The following NAV2 variants were observed in gnomAD, a reference collection of about 807,000 sequenced individuals.
The protein encoded by NAV2 is neuron navigator 2, also known as helicase, APC down-regulated 1.
NAV2 carries 54 observed loss-of-function variants against 223.2 expected under a neutral mutation model. The ratio of observed to expected loss-of-function variants is 0.24; its 90% confidence interval spans 0.19 to 0.30. NAV2 has a LOEUF of 0.30. Among genes scored for constraint, NAV2 ranks in the 10% least tolerant of loss-of-function variants. The probability of loss-of-function intolerance (pLI) is 1.00; values close to 1 mark genes in which losing one functional copy is unlikely to be tolerated. For synonymous variants in NAV2, 1,279 were observed against 1,239.3 expected (o/e 1.03, Z -0.67); for missense variants, 2,806 against 3,147.5 (o/e 0.89, Z 2.60).
intron 1 of NAV2, among the ~76,000 whole-genome samples, chr11:19,642,834 T>C (rs1166406746): frequency 6.6e-6 from 1 of 152,078 alleles, no homozygotes; most frequent in Non-Finnish European, 1.5e-5. Context: ...TGGGAAATGA[T>C]TACCATGCTA....
At chr11:20,030,486 A>G (rs1247679710) in intron 11 of NAV2, among the ~76,000 whole-genome samples, 3 of 152,234 alleles carry the variant, frequency 2.0e-5, no homozygotes, top group Admixed American at 6.5e-5. Flanking sequence ...ATAAATTAAG[A>G]TCATTTTCAC....
At chr11:19,889,267 A>C (rs2153126209) in intron 5 of NAV2, among the ~76,000 whole-genome samples, 1 of 152,268 alleles carries the variant, frequency 6.6e-6, no homozygotes, top group South Asian at 2.1e-4. Flanking sequence ...TTGTTTGTGA[A>C]CCAAATTTTG....
intron 1 of NAV2, among the ~76,000 whole-genome samples, chr11:19,509,904 CACCTTCAAGG>C (rs2043227085): frequency 6.6e-6 from 1 of 152,148 alleles, no homozygotes; most frequent in South Asian, 2.1e-4. Flanking sequence ...GGCAGGGACC[CACCTTCAAGG>C]ATGGGTCTGA....
upstream of NAV2, among the ~76,000 whole-genome samples, chr11:19,349,757 G>T (rs184080270): frequency 6.6e-6 from 1 of 152,102 alleles, no homozygotes; most frequent in Non-Finnish European, 1.5e-5. Context: ...TTATGGGAGG[G>T]TGTACCAAGT....
intron 16 of NAV2, 88 bp from the exon 17 acceptor site, chr11:20,051,201 G>A: frequency 9.4e-7 from 1 of 1,063,342 alleles, no homozygotes; most frequent in Non-Finnish European, 1.5e-6. Context: ...CTTTCTCCAG[G>A]GCCCTTCAGT....
At chr11:20,014,988 G>A (rs2053884595) in intron 11 of NAV2, among the ~76,000 whole-genome samples, 1 of 151,894 alleles carries the variant, frequency 6.6e-6, no homozygotes, top group Non-Finnish European at 1.5e-5. Flanking sequence ...CCCAGCTACT[G>A]GGGAGGCTGA....
chr11:19,701,912 T>C (rs556813809), intron 1 of NAV2, among the ~76,000 whole-genome samples: 4 of 152,276 alleles, frequency 2.6e-5, no homozygotes, highest in Admixed American at 6.5e-5. Context: ...GCCCAAAAGA[T>C]CCTCATGGGT....
intron 6 of NAV2, among the ~76,000 whole-genome samples, chr11:19,926,134 G>T (rs375294482): frequency 6.6e-6 from 1 of 152,136 alleles, no homozygotes; most frequent in Non-Finnish European, 1.5e-5. Context: ...CTGGAATTTT[G>T]ATAAGGATTG....
chr11:19,387,617 A>C (rs1366430116), intron 1 of NAV2, among the ~76,000 whole-genome samples: 1 of 152,178 alleles, frequency 6.6e-6, no homozygotes, highest in African/African-American at 2.4e-5. Context: ...TGAGGTTGCC[A>C]GGTCGCAGGC....
At chr11:20,098,374 G>T (rs1197946942) in intron 31 of NAV2, among the ~76,000 whole-genome samples, 1 of 152,190 alleles carries the variant, frequency 6.6e-6, no homozygotes, top group Non-Finnish European at 1.5e-5. Flanking sequence ...CTGTCATTCA[G>T]TGTCCTAACT....
rs550991108 is a variant in NAV2 at position 19,961,057 on chromosome 11, G to A, written c.2645+11977G>A. On this transcript the variant is annotated intron_variant, in intron 10 of 37. Coordinates refer to ENST00000349880, the MANE Select transcript of NAV2 (RefSeq NM_145117.5). ...CCCCTGTTTTTCCTGCTAAGCCTTTGCATAGTTCTCATCTAGAAAACCAAA... is the reference window on the plus strand; with the variant it reads ...CCCCTGTTTTTCCTGCTAAGCCTTTACATAGTTCTCATCTAGAAAACCAAA... Among the ~76,000 whole-genome samples, 395 of 152,058 alleles carry A rather than the reference G, an allele frequency of 2.6e-3. 1 individual carries two copies. The highest frequency in any genetic ancestry group is 4.4e-3 in the Non-Finnish European group (299 of 67,972).
At chr11:19,912,776 AAC>A (rs2043426557) in intron 6 of NAV2, among the ~76,000 whole-genome samples, 1 of 152,210 alleles carries the variant, frequency 6.6e-6, no homozygotes, top group African/African-American at 2.4e-5. Context: ...CATCTTGCTC[AAC>A]CAGTGTGTTT....
At chr11:19,718,878 T>C (rs2050529759) in intron 1 of NAV2, among the ~76,000 whole-genome samples, 1 of 152,172 alleles carries the variant, frequency 6.6e-6, no homozygotes, top group Non-Finnish European at 1.5e-5. Context: ...TATATACACA[T>C]GGAACAGCTT....
intron 1 of NAV2, among the ~76,000 whole-genome samples, chr11:19,448,027 A>G (rs950525822): frequency 2.1e-4 from 32 of 152,144 alleles, no homozygotes; most frequent in Admixed American, 8.5e-4. Context: ...TGGTTAAAGG[A>G]AGAAGGGTGC....
intron 1 of NAV2, among the ~76,000 whole-genome samples, chr11:19,513,433 A>G (rs1047766786): frequency 6.6e-6 from 1 of 151,760 alleles, no homozygotes; most frequent in African/African-American, 2.4e-5. Context: ...TGGCTGCCAC[A>G]CTCCTTTCAT....
At chr11:19,361,771 A>T (rs1214995818) in intron 1 of NAV2, among the ~76,000 whole-genome samples, 1 of 152,190 alleles carries the variant, frequency 6.6e-6, no homozygotes, top group Admixed American at 6.5e-5. Flanking sequence ...AACATCACGA[A>T]GCCCTTTGCC....
At chr11:19,942,517 A>G (rs947051515) in intron 8 of NAV2, among the ~76,000 whole-genome samples, 1 of 152,252 alleles carries the variant, frequency 6.6e-6, no homozygotes, top group African/African-American at 2.4e-5. Context: ...CAAGTGGCTA[A>G]TAAGCAGCAT....
At chr11:19,737,091 T>C (rs2052389287) in intron 1 of NAV2, among the ~76,000 whole-genome samples, 1 of 152,206 alleles carries the variant, frequency 6.6e-6, no homozygotes, top group South Asian at 2.1e-4. Flanking sequence ...GGGTAATTCC[T>C]GAAGATCCTT....
At chr11:19,390,141 G>C (rs1849191854) in intron 1 of NAV2, among the ~76,000 whole-genome samples, 1 of 152,200 alleles carries the variant, frequency 6.6e-6, no homozygotes, top group African/African-American at 2.4e-5. Flanking sequence ...GTCCATTCCA[G>C]GATCCTCACC....
Sources: gnomAD v4.1 joint callset for allele counts (sites outside exome capture counted in the v4.1 genomes callset) on GRCh38, gnomAD v4.1.1 for gene constraint, MANE v1.5 for transcripts, NCBI Gene and HGNC (gene_info 2026-07-23, HGNC 2026-07-21) for gene names.